FHIT: variants seen among roughly 807,000 people sequenced by gnomAD.
The protein encoded by FHIT is bis(5'-adenosyl)-triphosphatase.
Under a neutral mutation model 17.9 loss-of-function variants are expected in FHIT, and 19 were observed. That is an observed-to-expected ratio of 1.06 (90% CI 0.74 to 1.56). The LOEUF is 1.56. FHIT is among the 40% of genes most tolerant of loss of function. The pLI is 0.00. For missense variants in FHIT, 248 were observed against 189.2 expected (o/e 1.31, Z -1.82); for synonymous variants, 81 against 69.7 (o/e 1.16, Z -0.81).
chr3:59,899,083 T>C (rs1704205699), intron 8 of FHIT, among the ~76,000 whole-genome samples: 1 of 152,172 alleles, frequency 6.6e-6, no homozygotes, highest in African/African-American at 2.4e-5. Context: ...CTCCTCCATG[T>C]TCCTCCCAGC....
At chr3:60,055,969 C>G (rs572993356) in intron 5 of FHIT, among the ~76,000 whole-genome samples, 1 of 152,282 alleles carries the variant, frequency 6.6e-6, no homozygotes, top group South Asian at 2.1e-4. Flanking sequence ...ACGTGAAATA[C>G]CAGCTTTAAG....
At chr3:60,771,143 C>T (rs1040364458) in intron 4 of FHIT, among the ~76,000 whole-genome samples, 9 of 152,344 alleles carry the variant, frequency 5.9e-5, no homozygotes, top group African/African-American at 2.2e-4. Context: ...TAGCCTAAGG[C>T]TAGCCTATTT....
intron 5 of FHIT, among the ~76,000 whole-genome samples, chr3:60,030,080 C>A (rs1239674543): frequency 1.3e-5 from 2 of 152,074 alleles, no homozygotes; most frequent in Admixed American, 6.6e-5. Context: ...TTGATTCTGA[C>A]AACTTTTATA....
intron 3 of FHIT, among the ~76,000 whole-genome samples, chr3:60,858,138 A>G (rs1559776001): frequency 6.6e-6 from 1 of 152,210 alleles, no homozygotes; most frequent in Non-Finnish European, 1.5e-5. Context: ...CATGGTGTGT[A>G]TGCAATGAAC....
chr3:60,714,966 C>T (rs1222139487), intron 4 of FHIT, among the ~76,000 whole-genome samples: 8 of 152,046 alleles, frequency 5.3e-5, no homozygotes, highest in African/African-American at 1.4e-4. Flanking sequence ...AAAAAGAGCC[C>T]GCATCGCCAA....
chr3:59,949,102 T>C (rs1416012279), intron 7 of FHIT, among the ~76,000 whole-genome samples: 1 of 152,182 alleles, frequency 6.6e-6, no homozygotes, highest in African/African-American at 2.4e-5. Context: ...TGTCCATGAG[T>C]ACCTGATGTT....
At chr3:60,620,381 A>G (rs1475279527) in intron 4 of FHIT, among the ~76,000 whole-genome samples, 1 of 152,232 alleles carries the variant, frequency 6.6e-6, no homozygotes, top group African/African-American at 2.4e-5. Flanking sequence ...AATTGCCAAA[A>G]CCTGGAAGTA....
chr3:60,557,144 G>C (rs1179623116), intron 4 of FHIT, among the ~76,000 whole-genome samples: 1 of 152,092 alleles, frequency 6.6e-6, no homozygotes, highest in Non-Finnish European at 1.5e-5. Flanking sequence ...CCTCTCCAAA[G>C]CCTCTGAGGT....
intron 4 of FHIT, among the ~76,000 whole-genome samples, chr3:60,649,169 G>A (rs1019010932): frequency 1.3e-5 from 2 of 152,070 alleles, no homozygotes; most frequent in Non-Finnish European, 2.9e-5. Flanking sequence ...AGGCCGAGAC[G>A]GGTGGATCAC....
chr3:60,500,630 G>A (rs2034485153), intron 5 of FHIT, among the ~76,000 whole-genome samples: 1 of 151,720 alleles, frequency 6.6e-6, no homozygotes, highest in Non-Finnish European at 1.5e-5. Flanking sequence ...AAAATTAGTA[G>A]GGTGTGGTGG....
At chr3:60,093,561 G>T (rs1703816767) in intron 5 of FHIT, among the ~76,000 whole-genome samples, 1 of 152,148 alleles carries the variant, frequency 6.6e-6, no homozygotes, top group Non-Finnish European at 1.5e-5. Context: ...TTTGGTAGGA[G>T]GGGGGTATTC....
At chr3:61,151,719 G>A (rs1053640976) in intron 2 of FHIT, among the ~76,000 whole-genome samples, 2 of 151,626 alleles carry the variant, frequency 1.3e-5, no homozygotes, top group African/African-American at 2.4e-5. Context: ...AGGCACATGC[G>A]GCCAAGCTTG....
chr3:59,908,844 A>ATTTTTTTTTTTTTTTTTTTTTTTTTTTTT (rs1359496474), intron 8 of FHIT, among the ~76,000 whole-genome samples: 1 of 150,636 alleles, frequency 6.6e-6, no homozygotes, highest in African/African-American at 2.4e-5. Flanking sequence ...AGAACATTTC[A>ATTTTTTTTTTTTTTTTTTTTTTTTTTTTT]TTTTTTAATA....
chr3:60,507,181 T>C (rs535733526), intron 5 of FHIT, among the ~76,000 whole-genome samples: 29 of 152,276 alleles, frequency 1.9e-4, no homozygotes, highest in African/African-American at 7.0e-4. Context: ...GAAGAAGGGA[T>C]ACGTGAGTTG....
chr3:60,785,893 G>GAA (rs201489573), intron 4 of FHIT, among the ~76,000 whole-genome samples: 3,369 of 98,162 alleles, frequency 0.034, 122 homozygotes, highest in African/African-American at 0.13. Flanking sequence ...GCAACAAACA[G>GAA]AAGACACACA....
intron 5 of FHIT, among the ~76,000 whole-genome samples, chr3:60,497,649 C>G (rs566810667): frequency 6.6e-6 from 1 of 152,150 alleles, no homozygotes; most frequent in South Asian, 2.1e-4. Context: ...ATCACAGGAT[C>G]ATTTCATTAT....
At chr3:60,421,035 T>A (rs1262755051) in intron 5 of FHIT, among the ~76,000 whole-genome samples, 1 of 150,456 alleles carries the variant, frequency 6.6e-6, no homozygotes, top group African/African-American at 2.5e-5. Context: ...CACTACTTTT[T>A]TTTTTTTTTT....
At chr3:59,833,779 G>A (rs913304731) in intron 8 of FHIT, among the ~76,000 whole-genome samples, 26 of 152,138 alleles carry the variant, frequency 1.7e-4, no homozygotes, top group African/African-American at 6.3e-4. Context: ...TTGAGGGAGA[G>A]ACCTGGTGGG....
chr3:59,913,468 T>C (rs1168746823), intron 8 of FHIT, among the ~76,000 whole-genome samples: 2 of 152,192 alleles, frequency 1.3e-5, no homozygotes, highest in Admixed American at 1.3e-4. Flanking sequence ...ATTTACTCTC[T>C]GCAAATTTAG....
Sources: allele counts gnomAD v4.1 joint callset (sites outside exome capture counted in the v4.1 genomes callset), GRCh38; gene constraint gnomAD v4.1.1; transcripts MANE v1.5; gene names NCBI Gene and HGNC (gene_info 2026-07-23, HGNC 2026-07-21).